ZYG11B: variants seen among roughly 807,000 people sequenced by gnomAD.
The protein encoded by ZYG11B is zyg-11 family member B, cell cycle regulator.
ZYG11B carries 36 observed loss-of-function variants against 82.4 expected under a neutral mutation model. The ratio of observed to expected loss-of-function variants is 0.44; its 90% CI spans 0.33 to 0.58. The LOEUF (loss-of-function observed/expected upper bound fraction) is 0.58. Ranked by LOEUF, ZYG11B falls within the 20% of genes least tolerant of loss-of-function variation. ZYG11B has a pLI of 0.02. For synonymous variants in ZYG11B, 303 were observed against 312.8 expected (o/e 0.97, Z 0.33); for missense variants, 552 against 895.6 (o/e 0.62, Z 4.90).
intron 6 of ZYG11B, among the ~76,000 whole-genome samples, chr1:52,794,290 T>C (rs1044103183): frequency 6.6e-6 from 1 of 152,138 alleles, no homozygotes; most frequent in Admixed American, 6.6e-5. Context: ...TTATTTCTAA[T>C]GTGCAGGCAC....
Position 52,758,542 on chromosome 1 carries a change from C to CA in ZYG11B, c.196+1920dup, listed in dbSNP as rs1411928734. On this transcript the variant is annotated intron_variant, in intron 2 of 13. Coordinates refer to ENST00000294353, the MANE Select transcript of ZYG11B (RefSeq NM_024646.3). ...TATATGCTCGTTCCACTGTGCCACACAGCCTTCCTACACCTATATTAAAGG... is the reference window on the plus strand; with the variant it reads ...TATATGCTCGTTCCACTGTGCCACACAAGCCTTCCTACACCTATATTAAAGG... Among the ~76,000 whole-genome samples the CA allele has an allele frequency of 9.2e-5, 14 of 152,290 alleles. No homozygotes were observed. In the South Asian group the frequency reaches 2.9e-3, roughly 32 times the overall value.
chr1:52,768,681 G>A (rs1443861792), intron 2 of ZYG11B, among the ~76,000 whole-genome samples: 1 of 146,248 alleles, frequency 6.8e-6, no homozygotes, highest in Non-Finnish European at 1.5e-5. Context: ...TGCAGCCTCC[G>A]CCTCCCAAGT....
chr1:52,807,149 AC>A (rs1489618265), intron 10 of ZYG11B, among the ~76,000 whole-genome samples: 1 of 151,276 alleles, frequency 6.6e-6, no homozygotes, highest in Non-Finnish European at 1.5e-5. Context: ...TTACAGACTC[AC>A]GTGAGCCACC....
chr1:52,757,565 C>T (rs1417621068), intron 2 of ZYG11B, among the ~76,000 whole-genome samples: 1 of 151,910 alleles, frequency 6.6e-6, no homozygotes, highest in Non-Finnish European at 1.5e-5. Flanking sequence ...ATCTCAGCTA[C>T]TCGGGAGGGT....
chr1:52,776,354 A>G (rs1404388148), intron 3 of ZYG11B, among the ~76,000 whole-genome samples: 1 of 146,212 alleles, frequency 6.8e-6, no homozygotes, highest in Non-Finnish European at 1.5e-5. Context: ...AACATGATGA[A>G]ACCTTGCCTC....
At position 52,827,297 on chromosome 1, in the gene ZYG11B, T is replaced by C. The variant is rs111675772; in HGVS notation, c.*5668T>C. 1.7e-3 allele frequency: 262 copies of C among 152,294 alleles called. No homozygotes were observed. Among genetic ancestry groups the C allele is most frequent in the African/African-American group, 5.8e-3 (242 of 41,574 alleles). 9.4% of individuals were successfully genotyped at this position (152,294 alleles called of 1,614,324 possible). A position where few individuals can be genotyped will look rare whatever the true frequency, so the allele number is the denominator to read the frequency against. On this transcript the variant is annotated 3_prime_UTR_variant, in exon 14 of 14. Transcript: ENST00000294353. ...TAATGTTGTGTGTACAGATTTTTGT[T>C]TTGGGATTTTTTTTGCCTAAATAAA...
chr1:52,742,531 A>C (rs1232981314), intron 1 of ZYG11B, among the ~76,000 whole-genome samples: 1 of 152,074 alleles, frequency 6.6e-6, no homozygotes, highest in African/African-American at 2.4e-5. Context: ...CAATGTGTTT[A>C]TGTTTTGTTA....
intron 1 of ZYG11B, among the ~76,000 whole-genome samples, chr1:52,743,473 T>G (rs963762606): frequency 1.1e-4 from 17 of 149,768 alleles, no homozygotes; most frequent in Non-Finnish European, 1.6e-4. Flanking sequence ...ATAATGTTAA[T>G]TTATTACTGA....
chr1:52,752,017 T>C (rs1335063688), intron 1 of ZYG11B, among the ~76,000 whole-genome samples: 1 of 151,702 alleles, frequency 6.6e-6, no homozygotes, highest in Non-Finnish European at 1.5e-5. Context: ...CAGACATCAA[T>C]TGGGTGCCCT....
Position 52,771,806 on chromosome 1 carries a change from G to A in ZYG11B, c.951+32G>A. On this transcript the variant is annotated intron_variant, in intron 3 of 13. Coordinates refer to ENST00000294353, the MANE Select transcript of ZYG11B (RefSeq NM_024646.3). This position sits in a 1 kb window ranked among gnomAD's most constrained non-coding sequence, Gnocchi z 5.4. ...CTTTAAAAATGTATTATTTTGTCAG[G>A]CTGACCAATATCTTAGTTGCATAAG... 1 of 1,575,452 alleles carries A rather than the reference G, an allele frequency of 6.3e-7. No individual in the cohort carries two copies. The highest frequency in any genetic ancestry group is 8.6e-7 in the Non-Finnish European group (1 of 1,162,284).
intron 2 of ZYG11B, among the ~76,000 whole-genome samples, chr1:52,766,497 T>C (rs1644691136): frequency 6.6e-6 from 1 of 152,184 alleles, no homozygotes; most frequent in South Asian, 2.1e-4. Context: ...AATTTTAACA[T>C]TTCTGTTACC....
chr1:52,773,933 A>C (rs1489747277), intron 3 of ZYG11B, among the ~76,000 whole-genome samples: 1 of 151,366 alleles, frequency 6.6e-6, no homozygotes, highest in African/African-American at 2.4e-5. Context: ...GTGAGCCACC[A>C]CCCTCGGCCT....
intron 10 of ZYG11B, among the ~76,000 whole-genome samples, chr1:52,808,247 C>T (rs1473216300): frequency 1.3e-5 from 2 of 151,984 alleles, no homozygotes; most frequent in African/African-American, 4.8e-5. Flanking sequence ...GCCTGTAACC[C>T]CAGCTACTCG....
intron 1 of ZYG11B, among the ~76,000 whole-genome samples, chr1:52,739,147 TG>T (rs920303586): frequency 6.6e-6 from 1 of 151,594 alleles, no homozygotes; most frequent in Non-Finnish European, 1.5e-5. Context: ...TCACCACGCC[TG>T]GCTAATTTTT....
chr1:52,766,903 G>A (rs1644694378), intron 2 of ZYG11B, among the ~76,000 whole-genome samples: 1 of 152,010 alleles, frequency 6.6e-6, no homozygotes, highest in Non-Finnish European at 1.5e-5. Context: ...AGCTACTCCA[G>A]AGGCTGAGGC....
intron 1 of ZYG11B, among the ~76,000 whole-genome samples, chr1:52,736,815 C>G (rs1327122005): frequency 6.6e-6 from 1 of 152,130 alleles, no homozygotes; most frequent in Non-Finnish European, 1.5e-5. Context: ...TCTCGAACTC[C>G]TGTCCTCAAG....
At chr1:52,770,789 C>T (rs1344678742) in intron 2 of ZYG11B, among the ~76,000 whole-genome samples, 1 of 152,252 alleles carries the variant, frequency 6.6e-6, no homozygotes, top group African/African-American at 2.4e-5. Context: ...ATAATGTCTG[C>T]CACAGTCCTG....
intron 4 of ZYG11B, among the ~76,000 whole-genome samples, chr1:52,782,821 G>GT (rs1259938502): frequency 1.3e-5 from 2 of 151,944 alleles, no homozygotes; most frequent in African/African-American, 4.8e-5. Flanking sequence ...GGTTCTTGCT[G>GT]TGTTGCCCAG....
intron 1 of ZYG11B, among the ~76,000 whole-genome samples, chr1:52,735,528 C>T (rs1226862761): frequency 6.6e-6 from 1 of 152,016 alleles, no homozygotes; most frequent in Non-Finnish European, 1.5e-5. Flanking sequence ...GCGTGCCACT[C>T]TTCCTACTCA....
Sources: allele counts gnomAD v4.1 joint callset (sites outside exome capture counted in the v4.1 genomes callset), GRCh38; gene constraint gnomAD v4.1.1; non-coding constraint Gnocchi (gnomAD v3.1); transcripts MANE v1.5; gene names NCBI Gene and HGNC (gene_info 2026-07-23, HGNC 2026-07-21).